CLIC2: variants seen among roughly 807,000 people sequenced by gnomAD.
CLIC2 encodes CLIC family member 2, also known as chloride intracellular channel protein 2.
Under a neutral mutation model 14.8 loss-of-function variants are expected in CLIC2, and 9 were observed. That is an observed-to-expected ratio of 0.61 (90% confidence interval 0.37 to 1.06). The LOEUF (loss-of-function observed/expected upper bound fraction) is 1.06, where lower values mean the gene tolerates loss of function less well. CLIC2 is among the 50% of genes least tolerant of loss of function. The pLI is 0.01. For synonymous variants in CLIC2, 61 were observed against 66.3 expected (o/e 0.92, Z 0.39); for missense variants, 148 against 181.4 (o/e 0.82, Z 1.06).
rs1343515937 is a variant in CLIC2, at chrX:155,303,989, C to A, written c.58-4844G>T. Among the ~76,000 whole-genome samples, 26 of 106,332 alleles carry A rather than the reference C, an allele frequency of 2.4e-4. No individual in the cohort carries two copies. The East Asian group carries it at 6.1e-3, about 25-fold the overall frequency. The allele number at this position is 106,332 out of a possible 115,157, so 92.3% of individuals were successfully genotyped here. A position where few individuals can be genotyped will look rare whatever the true frequency, so the allele number is the denominator to read the frequency against. On this transcript the variant is annotated intron_variant, in intron 1 of 5. Transcript: ENST00000369449. ...GGGCTTCCCTTTGAGGGTAACCCGACCTTTCTCTCTGGCTGCCCTTAACAT... is the reference window on the plus strand; with the variant it reads ...GGGCTTCCCTTTGAGGGTAACCCGAACTTTCTCTCTGGCTGCCCTTAACAT...
chrX:155,287,562 G>A (rs1214421659), intron 3 of CLIC2, among the ~76,000 whole-genome samples: 2 of 111,287 alleles, frequency 1.8e-5, no homozygotes, highest in Non-Finnish European at 1.9e-5. Context: ...TGGAACAGCT[G>A]ACCTCAGGTG....
intron 1 of CLIC2, among the ~76,000 whole-genome samples, chrX:155,324,203 A>G (rs2075127745): frequency 8.9e-6 from 1 of 112,571 alleles, no homozygotes; most frequent in African/African-American, 3.2e-5. Context: ...ATGTACCCTA[A>G]AACTTAAAGT....
intron 3 of CLIC2, among the ~76,000 whole-genome samples, chrX:155,285,857 C>T (rs1381066792): frequency 1.9e-5 from 2 of 106,187 alleles, no homozygotes; most frequent in East Asian, 2.9e-4. Flanking sequence ...TTTTAAGGAG[C>T]GGAGAGTTTA....
chrX:155,313,800 T>C lies in CLIC2; in HGVS notation c.58-14655A>G, dbSNP rs185347635. ...GGTGGTCTGGGGCAAGTTCTCAGCC[T>C]TGATCACCAGATGCCCAGAAATAGA... On this transcript the variant is annotated intron_variant, in intron 1 of 5. Coordinates refer to ENST00000369449, the MANE Select transcript of CLIC2 (RefSeq NM_001289.6). Among the ~76,000 whole-genome samples the C allele has an allele frequency of 5.9e-3, 665 of 111,859 alleles. 3 individuals are homozygous for C. Among genetic ancestry groups the C allele is most frequent in the African/African-American group, 0.02 (615 of 30,860 alleles).
chrX:155,296,801 A>C (rs1421693849), intron 3 of CLIC2, among the ~76,000 whole-genome samples: 1 of 21,380 alleles, frequency 4.7e-5, no homozygotes, highest in East Asian at 2.0e-3. Flanking sequence ...TAAAAAGACA[A>C]AAAAAAAATT....
chrX:155,325,995 T>C (rs2075136458), intron 1 of CLIC2, among the ~76,000 whole-genome samples: 1 of 106,367 alleles, frequency 9.4e-6, no homozygotes, highest in South Asian at 4.2e-4. Context: ...GGCATAAGAA[T>C]GATACAATGG....
At chrX:155,290,422 T>TG (rs782459172) in intron 3 of CLIC2, 31 of 486,959 alleles carry the variant, frequency 6.4e-5, no homozygotes, top group Middle Eastern at 1.2e-3. Flanking sequence ...TTTTCCTGCA[T>TG]GCTGCTTGGG....
chrX:155,298,953 G>T (rs782114862), intron 2 of CLIC2, 43 bp from the exon 3 acceptor site: 54 of 1,183,133 alleles, frequency 4.6e-5, no homozygotes, highest in Non-Finnish European at 6.1e-5. Flanking sequence ...TCTAGATAAA[G>T]TACACATTAA....
At chrX:155,284,614 T>C (rs1476023701) in intron 3 of CLIC2, among the ~76,000 whole-genome samples, 2 of 111,812 alleles carry the variant, frequency 1.8e-5, no homozygotes, top group Non-Finnish European at 3.8e-5. Context: ...TTCCTTGTTC[T>C]GTGTAGCTGT....
At chrX:155,305,568 G>A (rs781848444) in intron 1 of CLIC2, among the ~76,000 whole-genome samples, 2 of 112,545 alleles carry the variant, frequency 1.8e-5, no homozygotes, top group East Asian at 5.6e-4. Context: ...GTAGACCGGA[G>A]CTGTTCCTAT....
chrX:155,299,593 T>C (rs2124177407), intron 1 of CLIC2, among the ~76,000 whole-genome samples: 1 of 110,288 alleles, frequency 9.1e-6, no homozygotes, highest in South Asian at 3.9e-4. Flanking sequence ...TTTATTATTA[T>C]ACTTTAAGTT....
intron 3 of CLIC2, among the ~76,000 whole-genome samples, chrX:155,297,770 C>T (rs1557318501): frequency 1.0e-5 from 1 of 96,356 alleles, no homozygotes; most frequent in African/African-American, 3.8e-5. Context: ...AGGAGAATGG[C>T]GTGAACCCGA....
At chrX:155,311,065 A>G (rs180841877) in intron 1 of CLIC2, among the ~76,000 whole-genome samples, 1,345 of 111,783 alleles carry the variant, frequency 0.012, 16 homozygotes, top group South Asian at 0.096. Flanking sequence ...GGCTGCCACA[A>G]AAGTCTCTGA....
At chrX:155,305,577 A>G (rs1371824520) in intron 1 of CLIC2, among the ~76,000 whole-genome samples, 2 of 112,469 alleles carry the variant, frequency 1.8e-5, no homozygotes, top group Non-Finnish European at 3.8e-5. Context: ...AGCTGTTCCT[A>G]TTCGGCCATC....
chrX:155,283,525 G>A (rs944547767), intron 3 of CLIC2, among the ~76,000 whole-genome samples: 3 of 111,007 alleles, frequency 2.7e-5, no homozygotes, highest in East Asian at 2.8e-4. Context: ...GGTGTGCTGC[G>A]CCCATTAGGT....
At chrX:155,314,419 A>T (rs1315585173) in intron 1 of CLIC2, among the ~76,000 whole-genome samples, 2 of 112,313 alleles carry the variant, frequency 1.8e-5, no homozygotes, top group Non-Finnish European at 3.8e-5. Context: ...CTCTTTGCAG[A>T]TACTCTCCAG....
intron 1 of CLIC2, among the ~76,000 whole-genome samples, chrX:155,332,827 A>G (rs1282952804): frequency 8.9e-6 from 1 of 112,699 alleles, no homozygotes; most frequent in Non-Finnish European, 1.9e-5. Context: ...GTGAAAGCCA[A>G]CAATTGATTT....
chrX:155,320,672 C>T (rs1163329144), intron 1 of CLIC2, among the ~76,000 whole-genome samples: 1 of 111,735 alleles, frequency 8.9e-6, no homozygotes, highest in African/African-American at 3.3e-5. Context: ...AGTATCACAA[C>T]TCCTCGCTAG....
chrX:155,280,085 C>A lies in CLIC2; in HGVS notation c.294-17G>T. 3 of 1,057,965 alleles carry A rather than the reference C, an allele frequency of 2.8e-6. No individual in the cohort carries two copies. The highest frequency in any genetic ancestry group is 4.0e-6 in the Non-Finnish European group (3 of 755,669). 87.2% of individuals were successfully genotyped at this position (1,057,965 alleles called of 1,213,427 possible). ...TGAGGGTACCTTAAAAAGAAACATGCGTCAACTATCATTTGCACATAACAT... is the reference window on the plus strand; with the variant it reads ...TGAGGGTACCTTAAAAAGAAACATGAGTCAACTATCATTTGCACATAACAT... On this transcript the variant is annotated splice_polypyrimidine_tract_variant and intron_variant, in intron 3 of 5. Coordinates refer to ENST00000369449, the MANE Select transcript of CLIC2 (RefSeq NM_001289.6).
Sources: allele counts gnomAD v4.1 joint callset (sites outside exome capture counted in the v4.1 genomes callset), GRCh38; gene constraint gnomAD v4.1.1; transcripts MANE v1.5; gene names NCBI Gene and HGNC (gene_info 2026-07-23, HGNC 2026-07-21).